Variants in FNBP1L observed in about 807,000 individuals in gnomAD.
The protein encoded by FNBP1L is formin binding protein 1 like.
FNBP1L carries 36 observed loss-of-function variants against 91.2 expected under a neutral mutation model. The ratio of observed to expected loss-of-function variants is 0.39; its 90% confidence interval spans 0.30 to 0.52. FNBP1L has a LOEUF of 0.52. Among genes scored for constraint, FNBP1L ranks in the 20% least tolerant of loss-of-function variants. FNBP1L has a pLI of 0.66. For synonymous variants in FNBP1L, 242 were observed against 237.0 expected, an observed-to-expected ratio of 1.02 and a Z score of -0.19; for missense variants, 571 against 732.1, an observed-to-expected ratio of 0.78 and a Z score of 2.54.
At chr1:93,547,256 T>TA (rs565349684) in intron 13 of FNBP1L, 91 bp from the exon 14 acceptor site, 346 of 1,123,728 alleles carry the variant, frequency 3.1e-4, no homozygotes, top group Non-Finnish European at 4.2e-4. Context: ...TACATAATTA[T>TA]AAAAACTTAA....
At chr1:93,462,542 T>G (rs1393010269) in intron 1 of FNBP1L, among the ~76,000 whole-genome samples, 1 of 152,188 alleles carries the variant, frequency 6.6e-6, no homozygotes, top group Non-Finnish European at 1.5e-5. Flanking sequence ...CCTTAGACAC[T>G]TGGCAGTAAC....
At chr1:93,547,304 CAT>C (rs1228906652) in intron 13 of FNBP1L, 41 bp from the exon 14 acceptor site, 18 of 1,393,250 alleles carry the variant, frequency 1.3e-5, no homozygotes, top group Middle Eastern at 1.8e-4. Context: ...AGCTTTTAAA[CAT>C]ATTTATTGAG....
At chr1:93,483,556 A>G (rs1375826109) in intron 1 of FNBP1L, among the ~76,000 whole-genome samples, 1 of 152,212 alleles carries the variant, frequency 6.6e-6, no homozygotes, top group Non-Finnish European at 1.5e-5. Flanking sequence ...ATAATTTCTT[A>G]ATCCTAAATA....
intron 2 of FNBP1L, among the ~76,000 whole-genome samples, chr1:93,510,580 C>A (rs990357153): frequency 6.6e-6 from 1 of 152,208 alleles, no homozygotes; most frequent in Admixed American, 6.5e-5. Context: ...CACAGTTCCT[C>A]ACCAGCAACG....
intron 1 of FNBP1L, among the ~76,000 whole-genome samples, chr1:93,480,229 A>G (rs1404543144): frequency 6.6e-6 from 1 of 152,194 alleles, no homozygotes; most frequent in African/African-American, 2.4e-5. Flanking sequence ...GAAGAGAACA[A>G]TTTAACAAAG....
chr1:93,540,892 A>G (rs987489439), intron 10 of FNBP1L, 150 bp from the exon 11 acceptor site: 1 of 511,166 alleles, frequency 2.0e-6, no homozygotes, highest in Non-Finnish European at 3.1e-6. Flanking sequence ...AAATGTGCTT[A>G]AAATGGTTTT....
intron 7 of FNBP1L, 124 bp from the exon 8 acceptor site, chr1:93,532,798 A>T: frequency 1.6e-6 from 1 of 621,420 alleles, no homozygotes; most frequent in Non-Finnish European, 2.6e-6. Context: ...GTTAAAAGGT[A>T]TTAACAACAG....
chr1:93,499,873 T>TTTTA (rs1670387938), intron 2 of FNBP1L, among the ~76,000 whole-genome samples: 1 of 152,194 alleles, frequency 6.6e-6, no homozygotes. Flanking sequence ...TTATTCTGTG[T>TTTTA]TTTATACTTT....
chr1:93,462,524 G>A (rs1668907648), intron 1 of FNBP1L, among the ~76,000 whole-genome samples: 2 of 151,764 alleles, frequency 1.3e-5, no homozygotes. Flanking sequence ...ACATTTAGTT[G>A]TATGTCTCCT....
chr1:93,524,642 A>C (rs1359761474), intron 5 of FNBP1L, among the ~76,000 whole-genome samples: 8 of 149,576 alleles, frequency 5.3e-5, no homozygotes, highest in Non-Finnish European at 1.2e-4. Flanking sequence ...AGAGGATAGA[A>C]GTAAGAGGGA....
At chr1:93,537,902 A>G (rs1274183719) in intron 10 of FNBP1L, among the ~76,000 whole-genome samples, 1 of 152,136 alleles carries the variant, frequency 6.6e-6, no homozygotes, top group Non-Finnish European at 1.5e-5. Flanking sequence ...TCTGTTGCCC[A>G]GGCTGATCTC....
intron 2 of FNBP1L, among the ~76,000 whole-genome samples, chr1:93,513,536 C>A (rs1299733581): frequency 2.6e-5 from 4 of 150,962 alleles, no homozygotes; most frequent in Non-Finnish European, 5.9e-5. Context: ...TACTGGCAAA[C>A]CGAATCCAGC....
At chr1:93,532,875 A>G in intron 7 of FNBP1L, 47 bp from the exon 8 acceptor site, 1 of 1,468,656 alleles carries the variant, frequency 6.8e-7, no homozygotes, top group Non-Finnish European at 9.3e-7. Context: ...CTTTAGAATG[A>G]TTGAAAAATT....
chr1:93,553,157 A>G lies in FNBP1L; in HGVS notation c.*741A>G, dbSNP rs1407038436. The G allele has an allele frequency of 6.6e-6, 1 of 152,666 alleles. No homozygotes were observed. The highest frequency in any genetic ancestry group is 1.5e-5 in the Non-Finnish European group (1 of 68,060). The allele number at this position is 152,666 out of a possible 1,614,324, so 9.5% of individuals were successfully genotyped here. ...AGTTGAAAGAACTCTTTGAAACGTGATACATCTTCAGCACCTCAGTCTGGG... is the reference window on the plus strand; with the variant it reads ...AGTTGAAAGAACTCTTTGAAACGTGGTACATCTTCAGCACCTCAGTCTGGG... On this transcript the variant is annotated 3_prime_UTR_variant, in exon 17 of 17. Coordinates refer to ENST00000271234, the MANE Select transcript of FNBP1L (RefSeq NM_001164473.3).
chr1:93,475,140 G>A (rs989316233), intron 1 of FNBP1L, among the ~76,000 whole-genome samples: 1 of 151,832 alleles, frequency 6.6e-6, no homozygotes, highest in African/African-American at 2.4e-5. Flanking sequence ...AAAACTATGA[G>A]ACATGCAAAA....
chr1:93,510,856 C>A (rs866094304), intron 2 of FNBP1L, among the ~76,000 whole-genome samples: 2 of 151,788 alleles, frequency 1.3e-5, no homozygotes, highest in Non-Finnish European at 2.9e-5. Flanking sequence ...AGGGTATCAG[C>A]GATGGAAGAT....
chr1:93,544,097 C>G lies in FNBP1L; in HGVS notation c.1165-10C>G, dbSNP rs547621294. ...AATGTCTATTATAATGATTTAGATT[C>G]TCTTTTCAGGGCCCAGCACTAGAAG... On this transcript the variant is annotated splice_polypyrimidine_tract_variant and intron_variant, in intron 11 of 16. Coordinates refer to ENST00000271234, the MANE Select transcript of FNBP1L (RefSeq NM_001164473.3). 5 of 1,572,890 alleles carry G rather than the reference C, an allele frequency of 3.2e-6. No homozygotes were observed. The highest frequency in any genetic ancestry group is 4.3e-6 in the Non-Finnish European group (5 of 1,160,270).
At chr1:93,491,647 AAG>A (rs1358033127) in intron 1 of FNBP1L, among the ~76,000 whole-genome samples, 3 of 152,246 alleles carry the variant, frequency 2.0e-5, no homozygotes, top group African/African-American at 7.2e-5. Flanking sequence ...AGTTGTTAAA[AAG>A]AAGAGAATTT....
chr1:93,517,011 CT>C (rs1671144758), intron 2 of FNBP1L, among the ~76,000 whole-genome samples: 1 of 150,870 alleles, frequency 6.6e-6, no homozygotes, highest in Non-Finnish European at 1.5e-5. Context: ...TGTTCTTCCT[CT>C]TCCTCCTCCT....
Sources: allele counts gnomAD v4.1 joint callset (sites outside exome capture counted in the v4.1 genomes callset), GRCh38; gene constraint gnomAD v4.1.1; transcripts MANE v1.5; gene names NCBI Gene and HGNC (gene_info 2026-07-23, HGNC 2026-07-21).